The following ULK2 variants were observed in gnomAD, a reference collection of about 807,000 sequenced individuals.
The protein encoded by ULK2 is unc-51 like autophagy activating kinase 2.
In ULK2, 76 loss-of-function variants were observed where a neutral mutation model predicts 127.5. The ratio of observed to expected loss-of-function variants is 0.60; its 90% CI spans 0.50 to 0.72. ULK2 has a LOEUF of 0.72. Ranked by LOEUF, ULK2 falls within the 30% of genes least tolerant of loss-of-function variation. The probability of loss-of-function intolerance (pLI) is 0.00; values close to 1 mark genes in which losing one functional copy is unlikely to be tolerated. For missense variants in ULK2, 1,144 were observed against 1,295.9 expected, an observed-to-expected ratio of 0.88 and a Z score of 1.80; for synonymous variants, 452 against 461.9, an observed-to-expected ratio of 0.98 and a Z score of 0.28.
At chr17:19,792,840 G>GA (rs543662263) in intron 20 of ULK2, among the ~76,000 whole-genome samples, 413 of 152,062 alleles carry the variant, frequency 2.7e-3, no homozygotes, top group Middle Eastern at 6.8e-3. Flanking sequence ...AAACAGTCTT[G>GA]AAAAAGAACA....
chr17:19,791,471 G>A (rs563080815), intron 20 of ULK2, among the ~76,000 whole-genome samples: 1 of 152,186 alleles, frequency 6.6e-6, no homozygotes, highest in South Asian at 2.1e-4. Context: ...AATCACATGT[G>A]GCCAGGAGTT....
chr17:19,840,315 G>A, intron 9 of ULK2: 1 of 524,584 alleles, frequency 1.9e-6, no homozygotes, highest in Middle Eastern at 4.1e-4. Flanking sequence ...CGAAGATCCT[G>A]CCTTGATTCG....
chr17:19,799,552 T>C lies in ULK2; in HGVS notation c.1465A>G (p.Ser489Gly), dbSNP rs1458929042. Residue 489 changes from serine (S) to glycine (G), a missense_variant, in exon 17 of 27, where the codon AGT (serine) becomes GGT (glycine). Ser to Gly is a moderately conservative substitution (Grantham distance 56). Coordinates refer to ENST00000395544, the MANE Select transcript of ULK2 (RefSeq NM_014683.4). ...PLVGTIPEQFSQCCCGHPQGH... is the reference protein window; with the variant it reads ...PLVGTIPEQFGQCCCGHPQGH... ...TGAGGATGCCCACAGCAGCACTGAC[T>C]GAATTGCTCAGGAATGGTACCAACT... 2 of 1,561,040 alleles carry C rather than the reference T, an allele frequency of 1.3e-6. No individual in the cohort carries two copies. The highest frequency in any genetic ancestry group is 1.2e-5 in the South Asian group (1 of 82,146).
chr17:19,822,288 C>A (rs113231069), intron 12 of ULK2, among the ~76,000 whole-genome samples: 1 of 151,916 alleles, frequency 6.6e-6, no homozygotes, highest in Non-Finnish European at 1.5e-5. Context: ...CCTGGCCCAA[C>A]CTTACTTTTT....
intron 3 of ULK2, among the ~76,000 whole-genome samples, chr17:19,851,366 A>G (rs1426944364): frequency 1.4e-5 from 2 of 146,642 alleles, no homozygotes; most frequent in Non-Finnish European, 3.0e-5. Flanking sequence ...GGCTGGGCAC[A>G]GTGGCTCACA....
At chr17:19,832,275 T>TC (rs2041475111) in intron 10 of ULK2, among the ~76,000 whole-genome samples, 2 of 151,626 alleles carry the variant, frequency 1.3e-5, no homozygotes, top group Admixed American at 1.3e-4. Context: ...TCTTTTTTTT[T>TC]TTTTTTCTTT....
rs1483352391 is a variant in ULK2 at position 19,775,329 on chromosome 17, T to C, written c.*1020A>G. On this transcript the variant is annotated 3_prime_UTR_variant, in exon 27 of 27. Coordinates refer to ENST00000395544, the MANE Select transcript of ULK2 (RefSeq NM_014683.4). ...AAAACGAACTTCATTTTCCACTCAC[T>C]GCATGTAGGAACTCCACATCACTAA... The C allele has an allele frequency of 6.6e-6, 1 of 152,588 alleles. No homozygotes were observed. The highest frequency in any genetic ancestry group is 1.5e-5 in the Non-Finnish European group (1 of 68,034). 9.5% of individuals were successfully genotyped at this position (152,588 alleles called of 1,614,324 possible).
At position 19,781,930 on chromosome 17, in the gene ULK2, A is replaced by T. The variant is rs1469895661; in HGVS notation, c.2598T>A (p.Ser866Arg). 2.5e-6 allele frequency: 4 copies of T among 1,613,734 alleles called. No homozygotes were observed. Among genetic ancestry groups the T allele is most frequent in the Non-Finnish European group, 3.4e-6 (4 of 1,179,974 alleles). Residue 866 changes from serine to arginine, a missense_variant, in exon 23 of 27, where the codon AGT (serine) becomes AGA (arginine). This residue lies in a region of ULK2 where 913 missense variants were observed against 970.5 expected (regional missense o/e 0.94). Transcript: ENST00000395544. Reference protein sequence around the residue: ...SAVSLYQIQESVVVDQISQLS... With the variant: ...SAVSLYQIQERVVVDQISQLS... ...GCTGACTGATCTGGTCCACCACCAC[A>T]CTCTCCTGGATCTGGTACAAGGACA... is the stretch of plus-strand genomic sequence containing the variant.
chr17:19,838,588 G>A lies in ULK2; in HGVS notation c.705-5C>T. On this transcript the variant is annotated splice_polypyrimidine_tract_variant and splice_region_variant and intron_variant, in intron 9 of 26. Transcript: ENST00000395544. ...GGTGATGTTTCTCTGGGAATACTGG[G>A]GGAAAGGAAAAACACAACCACCTAA... 1.2e-6 allele frequency: 2 copies of A among 1,610,448 alleles called. No individual in the cohort carries two copies. The highest frequency in any genetic ancestry group is 1.7e-6 in the Non-Finnish European group (2 of 1,178,898).
chr17:19,771,143 C>G lies in ULK2; in HGVS notation c.*5206G>C, dbSNP rs530285510. ...TTCCTAAGGGTGAGACAGTGTGGGG[C>G]TCCTGTGGGGAGATGGGTACTCCTG... On this transcript the variant is annotated 3_prime_UTR_variant, in exon 27 of 27. Coordinates refer to ENST00000395544, the MANE Select transcript of ULK2 (RefSeq NM_014683.4). The G allele has an allele frequency of 6.6e-6, 1 of 152,338 alleles. No individual in the cohort carries two copies. The highest frequency in any genetic ancestry group is 2.4e-5 in the African/African-American group (1 of 41,570). The allele number at this position is 152,338 out of a possible 1,614,324, so 9.4% of individuals were successfully genotyped here.
At position 19,797,648 on chromosome 17, in the gene ULK2, A is replaced by C. The variant is rs771204677; in HGVS notation, c.1557T>G (p.Ser519=). ...SPVPQAQSPQ[S]LLSGARLQSA... is the part of the protein sequence containing the mutation. ...TCTGCAGTCTAGCACCCGATAAGAG[A>C]GACTGTGGGGACTGAGCTTGTGGCA... The change falls in exon 18 of 27, where the codon TCT becomes TCG. Residue 519 remains serine, a synonymous_variant. Coordinates refer to ENST00000395544, the MANE Select transcript of ULK2 (RefSeq NM_014683.4). 9.5e-6 allele frequency: 15 copies of C among 1,583,096 alleles called. No homozygotes were observed. The highest frequency in any genetic ancestry group is 1.3e-5 in the Non-Finnish European group (15 of 1,163,526).
chr17:19,826,721 C>T (rs571098333), intron 10 of ULK2, among the ~76,000 whole-genome samples: 11 of 152,056 alleles, frequency 7.2e-5, no homozygotes, highest in Non-Finnish European at 1.5e-4. Context: ...TTTGGGAGGC[C>T]GAGGCAGGCA....
chr17:19,848,137 AT>A (rs2041931699), intron 5 of ULK2: 1 of 152,194 alleles, frequency 6.6e-6, no homozygotes, highest in Non-Finnish European at 1.5e-5. Flanking sequence ...AAATATTTAT[AT>A]TAAAAAAAGA....
In ULK2 at chr17:19,783,694, T is replaced by A; in HGVS notation, c.2460+3A>T. On this transcript the variant is annotated splice_donor_region_variant and intron_variant, in intron 22 of 26. Transcript: ENST00000395544. The stretch of plus-strand genomic sequence containing the variant: ...ATTCACACCACTATAGTCTCTTTTC[T>A]ACCTCCATCAGCGTCTCCTCCGGCA... 5 of 1,509,348 alleles carry A rather than the reference T, an allele frequency of 3.3e-6. No homozygotes were observed. Among genetic ancestry groups the A allele is most frequent in the Non-Finnish European group, 4.4e-6 (5 of 1,126,144 alleles). The allele number at this position is 1,509,348 out of a possible 1,614,324, so 93.5% of individuals were successfully genotyped here.
At position 19,785,983 on chromosome 17, in the gene ULK2, T is replaced by A. The variant is rs758612903; in HGVS notation, c.2205A>T (p.Ala735=). 2.5e-6 allele frequency: 4 copies of A among 1,596,162 alleles called. No homozygotes were observed. Among genetic ancestry groups the A allele is most frequent in the Non-Finnish European group, 3.4e-6 (4 of 1,173,072 alleles). The change falls in exon 21 of 27, where the codon GCA becomes GCT. Residue 735 remains alanine (A), a synonymous_variant. Coordinates refer to ENST00000395544, the MANE Select transcript of ULK2 (RefSeq NM_014683.4). ...GGAACATGTGGGTACAAGTGGGGGC[T>A]GCCGCACTGTGTGGAGGAGACCCTA... ...FTVGSPPHSA[A]APTCTHMFLR...
intron 20 of ULK2, 138 bp downstream of exon 20, chr17:19,795,484 T>C (rs185926701): frequency 2.8e-6 from 2 of 715,080 alleles, no homozygotes; most frequent in Non-Finnish European, 2.4e-6. Context: ...AGGATAGGGA[T>C]GGCATCCAGA....
At chr17:19,818,793 TTTTC>T (rs2041060059) in intron 12 of ULK2, among the ~76,000 whole-genome samples, 2 of 127,042 alleles carry the variant, frequency 1.6e-5, no homozygotes, top group Non-Finnish European at 3.1e-5. Flanking sequence ...TTCTTTTCTT[TTTTC>T]TTTTTTTTTT....
At chr17:19,788,542 G>A (rs138600046) in intron 20 of ULK2, among the ~76,000 whole-genome samples, 3 of 151,842 alleles carry the variant, frequency 2.0e-5, no homozygotes, top group East Asian at 3.9e-4. Flanking sequence ...AAGAGTCCTC[G>A]GGCCCTGAAT....
intron 15 of ULK2, among the ~76,000 whole-genome samples, chr17:19,802,939 G>C (rs2152386815): frequency 6.6e-6 from 1 of 152,210 alleles, no homozygotes; most frequent in African/African-American, 2.4e-5. Flanking sequence ...ATATCAAAAA[G>C]TCATATTCAT....
Sources: gnomAD v4.1 joint callset for allele counts (sites outside exome capture counted in the v4.1 genomes callset) on GRCh38, gnomAD v4.1.1 for gene constraint, gnomAD v4.1.1 regional missense constraint, MANE v1.5 for transcripts, NCBI Gene and HGNC (gene_info 2026-07-23, HGNC 2026-07-21) for gene names.